C8orf34: variants seen among roughly 807,000 people sequenced by gnomAD.
The protein encoded by C8orf34 is uncharacterized protein C8orf34.
C8orf34 carries 65 observed loss-of-function variants against 68.3 expected under a neutral mutation model. The ratio of observed to expected loss-of-function variants is 0.95; its 90% confidence interval spans 0.78 to 1.17. The LOEUF is 1.17. Among genes scored for constraint, C8orf34 ranks in the 50% most tolerant of loss-of-function variants. The pLI is 0.00. For synonymous variants in C8orf34, 244 were observed against 241.2 expected, an observed-to-expected ratio of 1.01 and a Z score of -0.11; for missense variants, 664 against 655.4, an observed-to-expected ratio of 1.01 and a Z score of -0.14.
chr8:68,782,507 C>A (rs1823708367), intron 11 of C8orf34, among the ~76,000 whole-genome samples: 1 of 137,870 alleles, frequency 7.3e-6, no homozygotes, highest in East Asian at 2.1e-4. Flanking sequence ...CTAAAGGAAT[C>A]TAGACCTAGA....
intron 1 of C8orf34, among the ~76,000 whole-genome samples, chr8:68,374,300 T>C (rs1161120965): frequency 6.6e-6 from 1 of 152,198 alleles, no homozygotes. Flanking sequence ...CCGTATGGTG[T>C]GTTTTGGATA....
chr8:68,538,371 C>T (rs1044865127), intron 7 of C8orf34, among the ~76,000 whole-genome samples: 2 of 151,620 alleles, frequency 1.3e-5, no homozygotes, highest in Non-Finnish European at 2.9e-5. Context: ...CTCAGGTACA[C>T]GTAATTAATT....
intron 10 of C8orf34, among the ~76,000 whole-genome samples, chr8:68,763,667 G>T (rs1823087245): frequency 1.3e-5 from 2 of 151,934 alleles, no homozygotes; most frequent in African/African-American, 4.8e-5. Flanking sequence ...ATTCAACATT[G>T]TTACAAAAAG....
chr8:68,693,901 T>G (rs1179362100), intron 8 of C8orf34, among the ~76,000 whole-genome samples: 2 of 151,932 alleles, frequency 1.3e-5, no homozygotes, highest in Non-Finnish European at 2.9e-5. Context: ...TAATAATAAA[T>G]TAAGAATGAG....
At chr8:68,662,953 G>A (rs540389244) in intron 8 of C8orf34, among the ~76,000 whole-genome samples, 10 of 152,286 alleles carry the variant, frequency 6.6e-5, no homozygotes, top group African/African-American at 2.2e-4. Flanking sequence ...TGAGCTGATT[G>A]TTTTGACAAA....
At chr8:68,495,973 TA>T (rs1210234247) in intron 5 of C8orf34, among the ~76,000 whole-genome samples, 1 of 152,244 alleles carries the variant, frequency 6.6e-6, no homozygotes, top group Non-Finnish European at 1.5e-5. Flanking sequence ...TTTTTCTGTT[TA>T]TGTTGTTCTG....
At chr8:68,417,848 G>C (rs1040941804) in intron 1 of C8orf34, among the ~76,000 whole-genome samples, 5 of 152,026 alleles carry the variant, frequency 3.3e-5, no homozygotes, top group East Asian at 3.9e-4. Flanking sequence ...TTGGTAGCTT[G>C]ATGGGGATGG....
At chr8:68,508,650 T>A (rs993679250) in intron 5 of C8orf34, among the ~76,000 whole-genome samples, 1 of 152,160 alleles carries the variant, frequency 6.6e-6, no homozygotes, top group Non-Finnish European at 1.5e-5. Context: ...TCAGTTGATA[T>A]AACCTGGGCT....
intron 10 of C8orf34, among the ~76,000 whole-genome samples, chr8:68,747,133 C>G (rs1237465981): frequency 2.0e-5 from 3 of 152,000 alleles, no homozygotes; most frequent in Non-Finnish European, 4.4e-5. Context: ...AAGACAAAAA[C>G]CACATGATTA....
At chr8:68,634,248 G>A (rs768693090) in intron 7 of C8orf34, among the ~76,000 whole-genome samples, 10 of 152,096 alleles carry the variant, frequency 6.6e-5, no homozygotes, top group Non-Finnish European at 1.5e-4. Context: ...TTCATTTTTT[G>A]TGTTTTTAAG....
chr8:68,737,600 G>T (rs1585802695), intron 10 of C8orf34, among the ~76,000 whole-genome samples: 2 of 151,416 alleles, frequency 1.3e-5, no homozygotes, highest in East Asian at 3.9e-4. Context: ...ATGGAAAACA[G>T]AAAAAAGCAG....
chr8:68,476,982 C>T (rs1517114), intron 4 of C8orf34, among the ~76,000 whole-genome samples: 13 of 151,978 alleles, frequency 8.6e-5, no homozygotes, highest in African/African-American at 3.1e-4. Flanking sequence ...TCCTGATAGC[C>T]CTTATTCCTA....
chr8:68,672,346 C>A (rs1254852847), intron 8 of C8orf34, among the ~76,000 whole-genome samples: 8 of 152,166 alleles, frequency 5.3e-5, no homozygotes. Flanking sequence ...AACTTCATAT[C>A]ACTGAAAGGG....
At chr8:68,375,575 C>T (rs1586012615) in intron 1 of C8orf34, among the ~76,000 whole-genome samples, 1 of 152,128 alleles carries the variant, frequency 6.6e-6, no homozygotes, top group East Asian at 1.9e-4. Flanking sequence ...TTTTTTCAAA[C>T]CTCAGAAAAA....
At chr8:68,513,820 G>C (rs984704010) in intron 5 of C8orf34, among the ~76,000 whole-genome samples, 3 of 152,158 alleles carry the variant, frequency 2.0e-5, no homozygotes, top group Admixed American at 6.5e-5. Context: ...GCAGGGAGCA[G>C]GGAGTGGCAG....
At chr8:68,479,562 C>T (rs948249615) in intron 4 of C8orf34, among the ~76,000 whole-genome samples, 105 of 151,952 alleles carry the variant, frequency 6.9e-4, no homozygotes, top group African/African-American at 2.5e-3. Flanking sequence ...GGAGTAAATA[C>T]CAGAGATGGA....
chr8:68,361,306 T>C (rs561701400), intron 1 of C8orf34, among the ~76,000 whole-genome samples: 1 of 152,280 alleles, frequency 6.6e-6, no homozygotes, highest in African/African-American at 2.4e-5. Context: ...CAACAGAAGA[T>C]GGAGTAAGGC....
At chr8:68,614,701 A>T (rs1818141537) in intron 7 of C8orf34, among the ~76,000 whole-genome samples, 1 of 152,162 alleles carries the variant, frequency 6.6e-6, no homozygotes, top group African/African-American at 2.4e-5. Flanking sequence ...GCCTTGTAGT[A>T]TAGTTTGAAG....
intron 5 of C8orf34, among the ~76,000 whole-genome samples, chr8:68,510,124 C>T (rs1219943611): frequency 6.6e-6 from 1 of 152,026 alleles, no homozygotes; most frequent in Non-Finnish European, 1.5e-5. Flanking sequence ...GGCTTTGACC[C>T]AAAGCTTGGA....
Sources: allele counts gnomAD v4.1 joint callset (sites outside exome capture counted in the v4.1 genomes callset), GRCh38; gene constraint gnomAD v4.1.1; transcripts MANE v1.5; gene names NCBI Gene and HGNC (gene_info 2026-07-23, HGNC 2026-07-21).